UBXN8: variants seen among roughly 807,000 people sequenced by gnomAD.
UBXN8 encodes the protein UBX domain-containing protein 8.
A neutral mutation model predicts 32.1 loss-of-function variants in UBXN8; 27 were observed. The ratio of observed to expected loss-of-function variants is 0.84; its 90% CI spans 0.62 to 1.16. The LOEUF is 1.16. Ranked by LOEUF, UBXN8 falls within the 50% of genes most tolerant of loss-of-function variation. The pLI, the probability that UBXN8 is intolerant of heterozygous loss-of-function variation, is 0.00. For missense variants in UBXN8, 306 were observed against 311.4 expected (o/e 0.98, Z 0.13); for synonymous variants, 109 against 111.8 (o/e 0.98, Z 0.16).
chr8:30,751,378 G>A lies in UBXN8; in HGVS notation c.89-18G>A. 6.5e-7 allele frequency: 1 copy of A among 1,548,840 alleles called. No individual in the cohort carries two copies. Among genetic ancestry groups the A allele is most frequent in the Non-Finnish European group, 8.7e-7 (1 of 1,147,138 alleles). On this transcript the variant is annotated intron_variant, in intron 1 of 7. Coordinates refer to ENST00000265616, the MANE Select transcript of UBXN8 (RefSeq NM_005671.4). ...AAAAAAGTTTTGAATTTTAATTTTA[G>A]TTTTTTTCCTTTATCAGGAATCAAG...
At chr8:30,761,049 T>G (rs12543001) in intron 6 of UBXN8, 120 bp downstream of exon 6, 11,207 of 667,952 alleles carry the variant, frequency 0.017, 146 homozygotes, top group South Asian at 0.025. Context: ...AGTGTTCATG[T>G]GATTATACTG....
At chr8:30,729,615 T>C (rs1402904140), upstream of UBXN8, among the ~76,000 whole-genome samples, 1 of 152,172 alleles carries the variant, frequency 6.6e-6, no homozygotes, top group Non-Finnish European at 1.5e-5. Flanking sequence ...TGGTGTTTTG[T>C]CTTGAGGAAA....
At chr8:30,755,506 A>G (rs1413422199) in intron 4 of UBXN8, among the ~76,000 whole-genome samples, 1 of 152,106 alleles carries the variant, frequency 6.6e-6, no homozygotes, top group Non-Finnish European at 1.5e-5. Flanking sequence ...TAATCCCAGC[A>G]ATTTGGAAGG....
intron 1 of UBXN8, chr8:30,733,984 G>A (rs1271730393): frequency 6.6e-6 from 1 of 152,230 alleles, no homozygotes; most frequent in African/African-American, 2.4e-5. Context: ...TAGAGACTGG[G>A]TCTCCTTTGG....
intron 5 of UBXN8, among the ~76,000 whole-genome samples, chr8:30,760,443 A>T (rs866105473): frequency 0.078 from 7,080 of 91,126 alleles, 1,126 homozygotes; most frequent in African/African-American, 0.3. Flanking sequence ...ATATATATAT[A>T]TTTTTTTTTT....
chr8:30,729,645 A>G (rs1208092101), upstream of UBXN8, among the ~76,000 whole-genome samples: 1 of 152,188 alleles, frequency 6.6e-6, no homozygotes, highest in Non-Finnish European at 1.5e-5. Context: ...GACACAAAAT[A>G]AGCCTACTCC....
intron 5 of UBXN8, among the ~76,000 whole-genome samples, chr8:30,757,092 C>T (rs1044689320): frequency 2.2e-4 from 34 of 151,338 alleles, no homozygotes; most frequent in Admixed American, 1.9e-3. Flanking sequence ...AGGCCGAGGC[C>T]GATGGAGGTT....
chr8:30,733,918 G>A (rs1400758712), intron 1 of UBXN8: 1 of 152,236 alleles, frequency 6.6e-6, no homozygotes, highest in African/African-American at 2.4e-5. Context: ...ATCCACAGAT[G>A]AAGCACAGAG....
At chr8:30,739,315 C>T (rs111379672), upstream of UBXN8, among the ~76,000 whole-genome samples, 4,454 of 150,732 alleles carry the variant, frequency 0.03, 290 homozygotes, top group African/African-American at 0.1. Context: ...GAGGCCGAGG[C>T]GGGTGGATCA....
upstream of UBXN8, among the ~76,000 whole-genome samples, chr8:30,743,754 G>A (rs1586090796): frequency 6.6e-6 from 1 of 152,332 alleles, no homozygotes; most frequent in East Asian, 1.9e-4. Context: ...GAACCGTTAG[G>A]GAGATAAGGA....
upstream of UBXN8, among the ~76,000 whole-genome samples, chr8:30,729,963 C>T (rs746439705): frequency 3.3e-5 from 5 of 152,166 alleles, no homozygotes; most frequent in African/African-American, 4.8e-5. Context: ...CTCCACCCAC[C>T]GAGGGAAATC....
intron 2 of UBXN8, 72 bp downstream of exon 2, chr8:30,751,590 T>C (rs1805525737): frequency 7.9e-7 from 1 of 1,262,956 alleles, no homozygotes; most frequent in African/African-American, 1.5e-5. Flanking sequence ...CTTTGCACAG[T>C]AAGAGCCATT....
intron 5 of UBXN8, among the ~76,000 whole-genome samples, chr8:30,760,165 C>T (rs1353049225): frequency 2.0e-5 from 3 of 147,238 alleles, no homozygotes; most frequent in South Asian, 2.1e-4. Context: ...GGGTTCCAAG[C>T]GATTTTCCTG....
intron 2 of UBXN8, 146 bp from the exon 3 acceptor site, chr8:30,752,889 C>A (rs1030953406): frequency 2.1e-6 from 2 of 945,664 alleles, no homozygotes; most frequent in African/African-American, 1.7e-5. Flanking sequence ...CTATTCAACC[C>A]AAACATAAAT....
chr8:30,757,439 C>T (rs1442492322), intron 5 of UBXN8, among the ~76,000 whole-genome samples: 1 of 151,872 alleles, frequency 6.6e-6, no homozygotes, highest in Non-Finnish European at 1.5e-5. Context: ...GTAATCCCAG[C>T]TACTGAGGAG....
At chr8:30,744,880 G>GGGA (rs760427147) in intron 1 of UBXN8, among the ~76,000 whole-genome samples, 15 of 152,102 alleles carry the variant, frequency 9.9e-5, no homozygotes, top group Non-Finnish European at 1.8e-4. Flanking sequence ...AAGGAGAGTT[G>GGGA]GGAGGAGGAG....
upstream of UBXN8, among the ~76,000 whole-genome samples, chr8:30,739,228 C>T (rs552691634): frequency 6.6e-6 from 1 of 150,644 alleles, no homozygotes; most frequent in Non-Finnish European, 1.5e-5. Flanking sequence ...GAAATTGACA[C>T]AGGTGATAAT....
chr8:30,756,620 A>T (rs1360843677), intron 4 of UBXN8, 145 bp from the exon 5 acceptor site: 2 of 1,194,268 alleles, frequency 1.7e-6, no homozygotes, highest in African/African-American at 1.5e-5. Context: ...ATAATGCTTT[A>T]ATTTTTTGGG....
Position 30,756,684 on chromosome 8 carries a change from A to G in UBXN8, c.406-81A>G, listed in dbSNP as rs192260832. ...ACTGATATGCCATCAGGGTAAAAAA[A>G]GGAAAAAGGAAAAACAATTGTGAAT... On this transcript the variant is annotated intron_variant, in intron 4 of 7. Coordinates refer to ENST00000265616, the MANE Select transcript of UBXN8 (RefSeq NM_005671.4). 2.4e-5 allele frequency: 37 copies of G among 1,572,298 alleles called. No individual in the cohort carries two copies. The African/African-American group carries it at 4.1e-4, about 17-fold the overall frequency.
Sources: allele counts gnomAD v4.1 joint callset (sites outside exome capture counted in the v4.1 genomes callset), GRCh38; gene constraint gnomAD v4.1.1; transcripts MANE v1.5; gene names NCBI Gene and HGNC (gene_info 2026-07-23, HGNC 2026-07-21).